Variants in SND1 observed in about 807,000 individuals in gnomAD.
The protein encoded by SND1 is staphylococcal nuclease domain-containing protein 1.
SND1 carries 38 observed loss-of-function variants against 121.7 expected under a neutral mutation model. The observed-to-expected ratio is 0.31, with a 90% confidence interval of 0.24 to 0.41. SND1 has a LOEUF of 0.41. Among genes scored for constraint, SND1 ranks in the 10% least tolerant of loss-of-function variants. The pLI is 1.00. For synonymous variants in SND1, 401 were observed against 447.4 expected, an observed-to-expected ratio of 0.90 and a Z score of 1.31; for missense variants, 868 against 1,184.6, an observed-to-expected ratio of 0.73 and a Z score of 3.92.
chr7:127,807,355 G>A (rs1798255487), intron 10 of SND1, 129 bp from the exon 11 acceptor site: 1 of 684,038 alleles, frequency 1.5e-6, no homozygotes. Flanking sequence ...TTTATTATGT[G>A]TCTTAACACA....
At chr7:128,044,851 G>A (rs1408732973) in intron 16 of SND1, among the ~76,000 whole-genome samples, 1 of 152,030 alleles carries the variant, frequency 6.6e-6, no homozygotes, top group Non-Finnish European at 1.5e-5. Context: ...TGTACTGATG[G>A]ATCGTGTTCA....
At chr7:127,829,711 C>T (rs1184691541) in intron 11 of SND1, among the ~76,000 whole-genome samples, 2 of 152,102 alleles carry the variant, frequency 1.3e-5, no homozygotes, top group Non-Finnish European at 2.9e-5. Flanking sequence ...TACATTCTGT[C>T]CTAAAAAGGA....
At chr7:128,000,921 G>A (rs1802812314) in intron 16 of SND1, among the ~76,000 whole-genome samples, 1 of 152,134 alleles carries the variant, frequency 6.6e-6, no homozygotes, top group African/African-American at 2.4e-5. Flanking sequence ...TTTCACATGT[G>A]ACTCGCCCAA....
At chr7:127,908,429 A>C (rs565739407) in intron 14 of SND1, among the ~76,000 whole-genome samples, 1 of 151,884 alleles carries the variant, frequency 6.6e-6, no homozygotes, top group Non-Finnish European at 1.5e-5. Context: ...AGAAAATTAC[A>C]TACTCCCAAG....
intron 16 of SND1, chr7:127,999,456 G>A (rs1802765389): frequency 6.6e-6 from 1 of 150,446 alleles, no homozygotes; most frequent in Non-Finnish European, 1.5e-5. Context: ...CCCCCAAGTA[G>A]AAGCAATAGA....
At position 127,756,370 on chromosome 7, in the gene SND1, TC is replaced by T. The variant is rs1368544821; in HGVS notation, c.1152+34971del. On this transcript the variant is annotated intron_variant, in intron 10 of 23. Coordinates refer to ENST00000354725, the MANE Select transcript of SND1 (RefSeq NM_014390.4). Reference sequence around the variant, plus strand: ...CTATGTTTATGAAAGGAATTTATCATCTAAGATAAACTGGGGCAGGAGAGCA... The same window carrying T: ...CTATGTTTATGAAAGGAATTTATCATTAAGATAAACTGGGGCAGGAGAGCA... Among the ~76,000 whole-genome samples the T allele has an allele frequency of 2.0e-5, 3 of 152,236 alleles. No individual in the cohort carries two copies. In the East Asian group the frequency reaches 5.8e-4, roughly 29 times the overall value.
chr7:127,869,414 G>T (rs914321511), intron 12 of SND1, among the ~76,000 whole-genome samples: 6 of 152,130 alleles, frequency 3.9e-5, no homozygotes, highest in African/African-American at 1.2e-4. Context: ...GTAGAGGGAT[G>T]GTGACAAGTT....
rs183996490 is a variant in SND1 at position 127,935,386 on chromosome 7, T to C, written c.1669+6057T>C. Among the ~76,000 whole-genome samples the C allele has an allele frequency of 4.5e-3, 690 of 152,328 alleles. 3 individuals are homozygous for C. The highest frequency in any genetic ancestry group is 6.2e-3 in the Non-Finnish European group (420 of 68,026). ...CAGTACACCTATTGTTTTCATAATATAAATTTTAGAATGTAAAACTCAACA... is the reference window on the plus strand; with the variant it reads ...CAGTACACCTATTGTTTTCATAATACAAATTTTAGAATGTAAAACTCAACA... On this transcript the variant is annotated intron_variant, in intron 15 of 23. Transcript: ENST00000354725.
At chr7:127,880,502 C>T (rs1799769851) in intron 12 of SND1, among the ~76,000 whole-genome samples, 1 of 152,066 alleles carries the variant, frequency 6.6e-6, no homozygotes, top group Non-Finnish European at 1.5e-5. Flanking sequence ...ATTGCAGGCT[C>T]TCTTCTTTAT....
chr7:128,057,248 C>T (rs1411831345), intron 16 of SND1, among the ~76,000 whole-genome samples: 1 of 152,122 alleles, frequency 6.6e-6, no homozygotes, highest in Non-Finnish European at 1.5e-5. Flanking sequence ...AAAAGATTTC[C>T]TGGAGGAAGG....
At chr7:127,911,924 A>G (rs568533230) in intron 14 of SND1, among the ~76,000 whole-genome samples, 1 of 152,252 alleles carries the variant, frequency 6.6e-6, no homozygotes, top group Non-Finnish European at 1.5e-5. Context: ...TTATGATGGA[A>G]GACATAGCTT....
At chr7:127,934,948 C>T (rs1801029818) in intron 15 of SND1, among the ~76,000 whole-genome samples, 1 of 152,126 alleles carries the variant, frequency 6.6e-6, no homozygotes, top group African/African-American at 2.4e-5. Context: ...ACGGTCAGAG[C>T]AGTAAGACAG....
At chr7:127,826,468 G>A (rs955740161) in intron 11 of SND1, among the ~76,000 whole-genome samples, 9 of 152,152 alleles carry the variant, frequency 5.9e-5, no homozygotes, top group Non-Finnish European at 8.8e-5. Flanking sequence ...GATTAGAAGA[G>A]TTAAAGACAA....
chr7:128,010,021 C>T (rs779529584), intron 16 of SND1, among the ~76,000 whole-genome samples: 4 of 152,174 alleles, frequency 2.6e-5, no homozygotes, highest in African/African-American at 7.2e-5. Context: ...TCACAGACTG[C>T]GGAGTCGTCA....
intron 2 of SND1, among the ~76,000 whole-genome samples, chr7:127,688,289 C>A (rs1347365326): frequency 1.3e-5 from 2 of 152,084 alleles, no homozygotes; most frequent in African/African-American, 4.8e-5. Flanking sequence ...GCCTTTGACC[C>A]CTTAAGTTTC....
At position 127,707,597 on chromosome 7, in the gene SND1, G is replaced by A. The variant is rs1321721842; in HGVS notation, c.988G>A (p.Val330Met). The A allele has an allele frequency of 6.2e-7, 1 of 1,614,036 alleles. No individual in the cohort carries two copies. Among genetic ancestry groups the A allele is most frequent in the Non-Finnish European group, 8.5e-7 (1 of 1,180,002 alleles). Residue 330 changes from valine to methionine, a missense_variant, in exon 9 of 24, where the codon GTG (valine) becomes ATG (methionine). Transcript: ENST00000354725. The stretch of plus-strand genomic sequence containing the variant: ...CAGGCTGAGAATATGGAGAGACTAT[G>A]TGGCTCCCACAGCTAATTTGGACCA... ...ERRLRIWRDY[V>M]APTANLDQKD...
At chr7:127,983,051 T>G (rs910537403) in intron 15 of SND1, among the ~76,000 whole-genome samples, 12 of 152,248 alleles carry the variant, frequency 7.9e-5, no homozygotes, top group African/African-American at 2.9e-4. Context: ...GCTGAAGAAT[T>G]TTTGAAATCG....
intron 15 of SND1, among the ~76,000 whole-genome samples, chr7:127,960,425 T>C (rs1007122749): frequency 6.6e-6 from 1 of 152,168 alleles, no homozygotes; most frequent in South Asian, 2.1e-4. Context: ...GAAAACACTC[T>C]TTGGAGGTTG....
chr7:127,997,701 A>G lies in SND1; in HGVS notation c.1779+6645A>G, dbSNP rs751481502. 48 of 530,762 alleles carry G rather than the reference A, an allele frequency of 9.0e-5. 1 individual carries two copies. The highest frequency in any genetic ancestry group is 6.7e-4 in the South Asian group (48 of 71,514). 32.9% of individuals were successfully genotyped at this position (530,762 alleles called of 1,614,324 possible). On this transcript the variant is annotated intron_variant, in intron 16 of 23. Coordinates refer to ENST00000354725, the MANE Select transcript of SND1 (RefSeq NM_014390.4). ...GATAACCTCTCCAACTTTATGTCTC[A>G]CCACCCCCACTCACTTCGTAATTCG...
Sources: gnomAD v4.1 joint callset for allele counts (sites outside exome capture counted in the v4.1 genomes callset) on GRCh38, gnomAD v4.1.1 for gene constraint, MANE v1.5 for transcripts, NCBI Gene and HGNC (gene_info 2026-07-23, HGNC 2026-07-21) for gene names.